Variants in NDUFS4 observed in about 807,000 individuals in gnomAD.
NDUFS4 encodes the protein NADH dehydrogenase [ubiquinone] iron-sulfur protein 4, mitochondrial.
NDUFS4 carries 28 observed loss-of-function variants against 24.3 expected under a neutral mutation model. The observed-to-expected ratio is 1.15, with a 90% CI of 0.85 to 1.58. NDUFS4 has a LOEUF of 1.58. NDUFS4 is among the 40% of genes most tolerant of loss of function. The pLI is 0.00. For missense variants in NDUFS4, 223 were observed against 207.9 expected (o/e 1.07, Z -0.45); for synonymous variants, 93 against 69.7 (o/e 1.34, Z -1.67).
At chr5:53,592,509 G>C (rs997985865) in intron 1 of NDUFS4, among the ~76,000 whole-genome samples, 1 of 152,068 alleles carries the variant, frequency 6.6e-6, no homozygotes, top group African/African-American at 2.4e-5. Flanking sequence ...TTATCTTTGA[G>C]AAATTTGATT....
intron 2 of NDUFS4, among the ~76,000 whole-genome samples, chr5:53,634,785 A>G (rs549606400): frequency 1.3e-5 from 2 of 151,736 alleles, no homozygotes; most frequent in East Asian, 3.9e-4. Flanking sequence ...GTAATGTTAT[A>G]TAAGTTCCAG....
At chr5:53,588,871 C>T (rs538189338) in intron 1 of NDUFS4, among the ~76,000 whole-genome samples, 3 of 151,524 alleles carry the variant, frequency 2.0e-5, no homozygotes, top group Non-Finnish European at 4.4e-5. Flanking sequence ...CAAATGTAAT[C>T]TCAGTGGTTT....
intron 1 of NDUFS4, among the ~76,000 whole-genome samples, chr5:53,566,973 C>G (rs900921138): frequency 6.6e-6 from 1 of 151,670 alleles, no homozygotes; most frequent in Non-Finnish European, 1.5e-5. Context: ...CTCAGCCTCC[C>G]GAGTAGCTGG....
At chr5:53,639,044 G>A (rs550077037) in intron 2 of NDUFS4, among the ~76,000 whole-genome samples, 1 of 151,652 alleles carries the variant, frequency 6.6e-6, no homozygotes, top group South Asian at 2.1e-4. Context: ...CTCTTATTCT[G>A]GCAAACCAGT....
chr5:53,617,757 G>T (rs1561365513), intron 2 of NDUFS4, among the ~76,000 whole-genome samples: 1 of 151,982 alleles, frequency 6.6e-6, no homozygotes, highest in Non-Finnish European at 1.5e-5. Context: ...ACTGAAAAAT[G>T]GTTTATACAT....
chr5:53,596,466 C>T (rs1298481598), intron 1 of NDUFS4, among the ~76,000 whole-genome samples: 1 of 151,884 alleles, frequency 6.6e-6, no homozygotes, highest in Non-Finnish European at 1.5e-5. Flanking sequence ...TAAAATGGTC[C>T]CTTGACCTTT....
intron 2 of NDUFS4, among the ~76,000 whole-genome samples, chr5:53,631,208 C>T (rs1490129646): frequency 2.6e-5 from 4 of 152,166 alleles, no homozygotes; most frequent in Admixed American, 6.5e-5. Flanking sequence ...GTATCACCAG[C>T]GAATGCTGCA....
In NDUFS4 at chr5:53,674,885, A is replaced by G. The variant is rs571173365; in HGVS notation, c.425-8233A>G. ...AAGTCTGTTTATATATTTGACATTG[A>G]TAAACCAGAGAAAACCTTGCTGTTT... On this transcript the variant is annotated intron_variant, in intron 4 of 4. Coordinates refer to ENST00000296684, the MANE Select transcript of NDUFS4 (RefSeq NM_002495.4). 4.6e-5 allele frequency among the ~76,000 whole-genome samples: 7 copies of G among 152,262 alleles called. 1 individual carries two copies. The East Asian group carries it at 1.4e-3, about 29-fold the overall frequency.
At chr5:53,562,750 T>C (rs1039872256) in intron 1 of NDUFS4, among the ~76,000 whole-genome samples, 1 of 152,212 alleles carries the variant, frequency 6.6e-6, no homozygotes, top group Admixed American at 6.5e-5. Context: ...TTTTCCATTA[T>C]GATTTGATAG....
At chr5:53,612,336 G>A (rs1311072774) in intron 2 of NDUFS4, among the ~76,000 whole-genome samples, 1 of 151,922 alleles carries the variant, frequency 6.6e-6, no homozygotes. Context: ...CTTTTACAAA[G>A]GTAGTATAGT....
intron 1 of NDUFS4, among the ~76,000 whole-genome samples, chr5:53,572,649 G>GTT (rs757713153): frequency 1.7e-4 from 24 of 143,498 alleles, no homozygotes; most frequent in East Asian, 6.1e-4. Flanking sequence ...TCTTCTTGAA[G>GTT]TTTTTTTTTT....
intron 2 of NDUFS4, among the ~76,000 whole-genome samples, chr5:53,609,967 G>A (rs922597593): frequency 6.6e-6 from 1 of 152,116 alleles, no homozygotes; most frequent in Non-Finnish European, 1.5e-5. Context: ...TCTCCAGTTA[G>A]CAATAAGGCT....
chr5:53,663,982 T>A (rs1455319213), intron 4 of NDUFS4, among the ~76,000 whole-genome samples: 1 of 152,202 alleles, frequency 6.6e-6, no homozygotes, highest in Admixed American at 6.5e-5. Context: ...TGTTGTTCCT[T>A]TCCATGTGTA....
At position 53,638,198 on chromosome 5, in the gene NDUFS4, CTTA is replaced by C. The variant is rs1244057034; in HGVS notation, c.178-8029_178-8027del. ...ATAATTTTGAGAAGTCTAAACATCACTTATTATTTGACAGTTCTTCCCATATAA... is the reference window on the plus strand; with the variant it reads ...ATAATTTTGAGAAGTCTAAACATCACTTATTTGACAGTTCTTCCCATATAA... On this transcript the variant is annotated intron_variant, in intron 2 of 4. Transcript: ENST00000296684. Among the ~76,000 whole-genome samples, 3 of 152,196 alleles carry C rather than the reference CTTA, an allele frequency of 2.0e-5. No homozygotes were observed. The East Asian group carries it at 5.8e-4, about 29-fold the overall frequency.
intron 2 of NDUFS4, among the ~76,000 whole-genome samples, chr5:53,641,847 A>G (rs1396758078): frequency 6.6e-6 from 1 of 152,130 alleles, no homozygotes; most frequent in Non-Finnish European, 1.5e-5. Context: ...AACATCTTTT[A>G]TGGTTGAAAT....
At chr5:53,642,586 T>G (rs1751735324) in intron 2 of NDUFS4, among the ~76,000 whole-genome samples, 1 of 152,058 alleles carries the variant, frequency 6.6e-6, no homozygotes, top group South Asian at 2.1e-4. Flanking sequence ...TTCCCATTGC[T>G]TGTTCCCTGC....
intron 2 of NDUFS4, among the ~76,000 whole-genome samples, chr5:53,641,840 A>G (rs1042199333): frequency 6.6e-6 from 1 of 152,170 alleles, no homozygotes; most frequent in Non-Finnish European, 1.5e-5. Flanking sequence ...TTCTTTGAAC[A>G]TCTTTTATGG....
chr5:53,610,828 A>G (rs1750670890), intron 2 of NDUFS4, among the ~76,000 whole-genome samples: 1 of 152,050 alleles, frequency 6.6e-6, no homozygotes, highest in Non-Finnish European at 1.5e-5. Context: ...TTTTGCCAGA[A>G]TTTTTCATAC....
intron 4 of NDUFS4, among the ~76,000 whole-genome samples, chr5:53,676,137 C>T (rs193070384): frequency 8.0e-4 from 122 of 152,286 alleles, no homozygotes; most frequent in African/African-American, 2.8e-3. Context: ...TCAAACAGCA[C>T]AGATTTATGT....
Sources: allele counts gnomAD v4.1 joint callset (sites outside exome capture counted in the v4.1 genomes callset), GRCh38; gene constraint gnomAD v4.1.1; transcripts MANE v1.5; gene names NCBI Gene and HGNC (gene_info 2026-07-23, HGNC 2026-07-21).